The following HPSE2 variants were observed in gnomAD, a reference collection of about 807,000 sequenced individuals.
HPSE2 encodes the protein inactive heparanase-2.
A neutral mutation model predicts 60.5 loss-of-function variants in HPSE2; 38 were observed. That is an observed-to-expected ratio of 0.63 (90% confidence interval 0.48 to 0.82). The LOEUF (loss-of-function observed/expected upper bound fraction) is 0.82. Ranked by LOEUF, HPSE2 falls within the 40% of genes least tolerant of loss-of-function variation. HPSE2 has a pLI of 0.00. For synonymous variants in HPSE2, 295 were observed against 293.2 expected (o/e 1.01, Z -0.06); for missense variants, 713 against 740.4 (o/e 0.96, Z 0.43).
intron 9 of HPSE2, among the ~76,000 whole-genome samples, chr10:98,498,743 C>CA (rs1941933788): frequency 6.6e-6 from 1 of 151,802 alleles, no homozygotes. Flanking sequence ...CAAGGAAATC[C>CA]AAAAAACAAT....
intron 4 of HPSE2, among the ~76,000 whole-genome samples, chr10:98,739,135 T>A (rs1589741198): frequency 6.6e-6 from 1 of 152,260 alleles, no homozygotes; most frequent in African/African-American, 2.4e-5. Flanking sequence ...TGGAATACTA[T>A]GCAGCCATAA....
intron 3 of HPSE2, among the ~76,000 whole-genome samples, chr10:98,929,934 G>A (rs1286777963): frequency 7.0e-6 from 1 of 143,690 alleles, no homozygotes; most frequent in Non-Finnish European, 1.5e-5. Flanking sequence ...CATAAATAAA[G>A]TTTTATTGGC....
chr10:98,725,271 G>C (rs918521521), intron 4 of HPSE2, among the ~76,000 whole-genome samples: 1 of 152,130 alleles, frequency 6.6e-6, no homozygotes, highest in Admixed American at 6.6e-5. Flanking sequence ...AAACAGCATG[G>C]TACTGGTACC....
chr10:98,970,434 C>T (rs557550242), intron 3 of HPSE2, among the ~76,000 whole-genome samples: 2 of 152,238 alleles, frequency 1.3e-5, no homozygotes, highest in South Asian at 2.1e-4. Flanking sequence ...AGATTTGGAG[C>T]GGACACATAT....
At position 98,866,754 on chromosome 10, in the gene HPSE2, T is replaced by A. The variant is rs1952597176; in HGVS notation, c.611-122698A>T. Reference sequence around the variant, plus strand: ...ACAAACAACAACAAGAAAAAACCTGTCAACCTAGAATGCTATAGCCAGTAA... The same window carrying A: ...ACAAACAACAACAAGAAAAAACCTGACAACCTAGAATGCTATAGCCAGTAA... On this transcript the variant is annotated intron_variant, in intron 3 of 11. Coordinates refer to ENST00000370552, the MANE Select transcript of HPSE2 (RefSeq NM_021828.5). 2.0e-5 allele frequency among the ~76,000 whole-genome samples: 3 copies of A among 152,142 alleles called. No individual in the cohort carries two copies. The South Asian group carries it at 6.2e-4, about 32-fold the overall frequency.
intron 8 of HPSE2, among the ~76,000 whole-genome samples, chr10:98,615,701 A>C (rs1945887648): frequency 6.6e-6 from 1 of 152,166 alleles, no homozygotes; most frequent in African/African-American, 2.4e-5. Flanking sequence ...CATCCTTCAA[A>C]AATACTGCCC....
intron 3 of HPSE2, among the ~76,000 whole-genome samples, chr10:98,859,059 G>C (rs1187102690): frequency 1.3e-5 from 2 of 152,138 alleles, no homozygotes; most frequent in Non-Finnish European, 2.9e-5. Flanking sequence ...CTCCTGAGTA[G>C]CTAGGACCAT....
At chr10:99,277,421 T>C in the HPSE2 span, among the ~76,000 whole-genome samples, 13 of 152,190 alleles carry the variant, frequency 8.5e-5, no homozygotes, top group Non-Finnish European at 1.3e-4. Context: ...AGGAAAAGTC[T>C]GCCAAGTAAA....
chr10:98,664,747 T>G (rs1230836880), intron 6 of HPSE2, among the ~76,000 whole-genome samples: 1 of 152,184 alleles, frequency 6.6e-6, no homozygotes, highest in Non-Finnish European at 1.5e-5. Context: ...ATAAAGATCT[T>G]GTTAAGAGCC....
intron 7 of HPSE2, among the ~76,000 whole-genome samples, chr10:98,622,541 T>C (rs1017428616): frequency 1.6e-4 from 25 of 152,222 alleles, no homozygotes; most frequent in Non-Finnish European, 3.5e-4. Flanking sequence ...TTTTCATTTC[T>C]AGTGAGGTAC....
At chr10:98,723,224 T>C (rs1307319778) in intron 4 of HPSE2, among the ~76,000 whole-genome samples, 5 of 152,224 alleles carry the variant, frequency 3.3e-5, no homozygotes, top group Non-Finnish European at 7.4e-5. Flanking sequence ...GAGATAATCA[T>C]GTGGTTTTTG....
intron 9 of HPSE2, among the ~76,000 whole-genome samples, chr10:98,544,493 G>A (rs1235239350): frequency 2.6e-5 from 4 of 151,900 alleles, no homozygotes; most frequent in Middle Eastern, 3.2e-3. Flanking sequence ...GGCGGATCAC[G>A]AGGTCAGGAG....
chr10:99,274,376 C>T, the HPSE2 span, among the ~76,000 whole-genome samples: 1 of 152,004 alleles, frequency 6.6e-6, no homozygotes, highest in Non-Finnish European at 1.5e-5. Context: ...GTCCACAAAC[C>T]TGCACGTCCT....
intron 3 of HPSE2, among the ~76,000 whole-genome samples, chr10:99,041,631 C>T (rs1411771930): frequency 6.6e-6 from 1 of 152,196 alleles, no homozygotes; most frequent in African/African-American, 2.4e-5. Flanking sequence ...CAGGCACTCT[C>T]ATGTGCCCTT....
chr10:98,840,970 C>T (rs1029524871), intron 3 of HPSE2, among the ~76,000 whole-genome samples: 7 of 152,096 alleles, frequency 4.6e-5, no homozygotes, highest in Non-Finnish European at 7.4e-5. Flanking sequence ...ACTTAAAACT[C>T]GACAGAAGAA....
At chr10:98,528,882 T>G (rs1473110188) in intron 9 of HPSE2, among the ~76,000 whole-genome samples, 1 of 152,210 alleles carries the variant, frequency 6.6e-6, no homozygotes, top group Non-Finnish European at 1.5e-5. Flanking sequence ...TCCACCCCAC[T>G]CATAGCAAAC....
At chr10:98,503,577 C>A (rs1942099555) in intron 9 of HPSE2, among the ~76,000 whole-genome samples, 1 of 152,188 alleles carries the variant, frequency 6.6e-6, no homozygotes, top group Non-Finnish European at 1.5e-5. Flanking sequence ...ATGTTTATAG[C>A]AGCACAATTC....
At chr10:99,044,183 G>A (rs936813198) in intron 3 of HPSE2, among the ~76,000 whole-genome samples, 43 of 152,172 alleles carry the variant, frequency 2.8e-4, no homozygotes, top group African/African-American at 1.0e-3. Flanking sequence ...AAAGCCAGAA[G>A]AAATCAGGGG....
intron 3 of HPSE2, among the ~76,000 whole-genome samples, chr10:99,046,520 A>G (rs1251762016): frequency 6.6e-6 from 1 of 152,082 alleles, no homozygotes; most frequent in Non-Finnish European, 1.5e-5. Flanking sequence ...CACAAATAGG[A>G]AAAGAAGACA....
Sources: allele counts gnomAD v4.1 joint callset (sites outside exome capture counted in the v4.1 genomes callset), GRCh38; gene constraint gnomAD v4.1.1; transcripts MANE v1.5; gene names NCBI Gene and HGNC (gene_info 2026-07-23, HGNC 2026-07-21).